GPR173: variants seen among roughly 807,000 people sequenced by gnomAD.
GPR173 encodes G protein-coupled receptor 173, also known as probable G protein-coupled receptor 173.
GPR173 carries 2 observed loss-of-function variants against 13.9 expected under a neutral mutation model. The observed-to-expected ratio is 0.14, with a 90% CI of 0.06 to 0.45. The LOEUF (loss-of-function observed/expected upper bound fraction) is 0.45. GPR173 is among the 20% of genes least tolerant of loss of function. GPR173 has a pLI of 0.98. For synonymous variants in GPR173, 131 were observed against 141.0 expected (o/e 0.93, Z 0.50); for missense variants, 202 against 340.5 (o/e 0.59, Z 3.20).
At chrX:53,074,730 TTTATATATAAATATAA>T (rs1214148018) in intron 1 of GPR173, among the ~76,000 whole-genome samples, 5 of 93,297 alleles carry the variant, frequency 5.4e-5, no homozygotes, top group South Asian at 4.5e-4. Flanking sequence ...TTTATTTGTA[TTTATATATAAATATAA>T]TTATATATAA....
intron 1 of GPR173, among the ~76,000 whole-genome samples, chrX:53,063,417 C>T (rs1481125187): frequency 1.8e-5 from 2 of 110,125 alleles, no homozygotes; most frequent in African/African-American, 6.6e-5. Context: ...AAACCTTGCC[C>T]TCAAGATCCT....
chrX:53,051,931 G>A (rs1381648772), intron 1 of GPR173, among the ~76,000 whole-genome samples: 1 of 110,935 alleles, frequency 9.0e-6, no homozygotes, highest in African/African-American at 3.3e-5. Context: ...GGGTGTATAT[G>A]TGTGTGTGTA....
chrX:53,062,889 ACTAGAGCTGGGCTGGGC>A (rs1157723312), intron 1 of GPR173, among the ~76,000 whole-genome samples: 2 of 111,951 alleles, frequency 1.8e-5, no homozygotes, highest in African/African-American at 3.2e-5. Context: ...TCTTGGGCAC[ACTAGAGCTGGGCTGGGC>A]CCCCAAGGTC....
intron 1 of GPR173, among the ~76,000 whole-genome samples, chrX:53,055,902 G>T (rs1478278308): frequency 9.2e-6 from 1 of 109,155 alleles, no homozygotes; most frequent in East Asian, 2.9e-4. Context: ...GTGTGTGTGT[G>T]TGTGTGTGTG....
At position 53,076,588 on chromosome X, in the gene GPR173, C is replaced by A. The variant is rs782582107; in HGVS notation, c.-34C>A. The A allele has an allele frequency of 3.5e-6, 4 of 1,144,977 alleles. No individual in the cohort carries two copies. The highest frequency in any genetic ancestry group is 2.3e-6 in the Non-Finnish European group (2 of 855,446). The allele number at this position is 1,144,977 out of a possible 1,213,427, so 94.4% of individuals were successfully genotyped here. On this transcript the variant is annotated 5_prime_UTR_variant, in exon 2 of 2. Coordinates refer to ENST00000332582, the MANE Select transcript of GPR173 (RefSeq NM_018969.6). Reference sequence around the variant, plus strand: ...CCCATCGAGTACCGGACTGGCTGACCCCCTAGGGTTGGCAGTAGCCCCTGA... The same window carrying A: ...CCCATCGAGTACCGGACTGGCTGACACCCTAGGGTTGGCAGTAGCCCCTGA...
In GPR173 at chrX:53,077,633, A is replaced by G. The variant is rs782095276; in HGVS notation, c.1012A>G (p.Ile338Val). The G allele has an allele frequency of 1.5e-5, 18 of 1,209,101 alleles. No individual in the cohort carries two copies. The highest frequency in any genetic ancestry group is 2.0e-5 in the Non-Finnish European group (18 of 894,224). ...MSFAQAAVNP[I>V]VCFLLNKDLK... ...CTTCGCCCAGGCTGCCGTCAACCCA[A>G]TTGTCTGCTTCCTGCTCAACAAGGA... Residue 338 changes from isoleucine to valine, a missense_variant, in exon 2 of 2, where the codon ATT becomes GTT. Physicochemically the swap from Ile to Val is conservative, Grantham distance 29. Transcript: ENST00000332582.
chrX:53,075,954 AT>A, intron 1 of GPR173, among the ~76,000 whole-genome samples: 1 of 111,302 alleles, frequency 9.0e-6, no homozygotes, highest in Middle Eastern at 4.6e-3. Flanking sequence ...TGTAAAATGT[AT>A]TTTTTTACTG....
intron 1 of GPR173, among the ~76,000 whole-genome samples, chrX:53,072,202 C>T (rs947503329): frequency 1.1e-4 from 12 of 110,353 alleles, no homozygotes; most frequent in Non-Finnish European, 2.1e-4. Context: ...CAGGGCTACG[C>T]ATTATCCACC....
At chrX:53,071,687 C>T (rs782110717) in intron 1 of GPR173, among the ~76,000 whole-genome samples, 19 of 111,821 alleles carry the variant, frequency 1.7e-4, no homozygotes, top group Non-Finnish European at 2.4e-4. Flanking sequence ...TGCTCCTACA[C>T]AAATTTCCAA....
chrX:53,055,140 G>A (rs1350748847), intron 1 of GPR173, among the ~76,000 whole-genome samples: 1 of 109,557 alleles, frequency 9.1e-6, no homozygotes, highest in Non-Finnish European at 1.9e-5. Context: ...GGTCGAGATT[G>A]TGTTTGTGTG....
At chrX:53,074,901 G>T (rs1184187290) in intron 1 of GPR173, among the ~76,000 whole-genome samples, 2 of 102,498 alleles carry the variant, frequency 2.0e-5, no homozygotes, top group African/African-American at 7.1e-5. Flanking sequence ...TTGCTGCAGG[G>T]GCCTCTGAGT....
rs1396826867 is a variant in GPR173 at position 53,049,066 on chromosome X, G to A, written c.-516G>A. 1.0e-5 allele frequency: 1 copy of A among 100,248 alleles called. No individual in the cohort carries two copies. Among genetic ancestry groups the A allele is most frequent in the Non-Finnish European group, 2.1e-5 (1 of 48,464 alleles). 8.3% of individuals were successfully genotyped at this position (100,248 alleles called of 1,213,427 possible). On this transcript the variant is annotated 5_prime_UTR_variant, in exon 1 of 2. Coordinates refer to ENST00000332582, the MANE Select transcript of GPR173 (RefSeq NM_018969.6). ...GGCCAGCAGGCAGACGGAGGGGGGG[G>A]GTGGGGGGTGGGGGGGGTAGGGGGA...
In GPR173 at chrX:53,080,320, T is replaced by C. The variant is rs1299711488; in HGVS notation, c.*2577T>C. On this transcript the variant is annotated 3_prime_UTR_variant, in exon 2 of 2. Transcript: ENST00000332582. ...CTCCCTAGACAGTTAATTTACTATCTGGTTATTCTCTCAGGTGCACAGAAT... is the reference window on the plus strand; with the variant it reads ...CTCCCTAGACAGTTAATTTACTATCCGGTTATTCTCTCAGGTGCACAGAAT... The C allele has an allele frequency of 8.2e-6, 1 of 122,141 alleles. No homozygotes were observed. Among genetic ancestry groups the C allele is most frequent in the Non-Finnish European group, 1.9e-5 (1 of 52,972 alleles). The allele number at this position is 122,141 out of a possible 1,213,427, so 10.1% of individuals were successfully genotyped here.
chrX:53,069,376 CAT>C (rs782591482), intron 1 of GPR173, among the ~76,000 whole-genome samples: 1 of 111,408 alleles, frequency 9.0e-6, no homozygotes, highest in African/African-American at 3.3e-5. Flanking sequence ...AAGTAATAAT[CAT>C]ACTATCTGGA....
At chrX:53,052,602 C>CGTGTGT (rs781878545) in intron 1 of GPR173, among the ~76,000 whole-genome samples, 72 of 100,501 alleles carry the variant, frequency 7.2e-4, no homozygotes, top group Non-Finnish European at 9.9e-4. Context: ...CACACACACA[C>CGTGTGT]GTGTGTGTGT....
chrX:53,054,148 ATGTG>A (rs782051170), intron 1 of GPR173, among the ~76,000 whole-genome samples: 9 of 106,667 alleles, frequency 8.4e-5, no homozygotes, highest in Non-Finnish European at 1.4e-4. Flanking sequence ...GTGTGTGTGT[ATGTG>A]TGTGTGTGTG....
Position 53,052,602 on chromosome X carries a change from C to CGTGT in GPR173, c.-98+3146_-98+3149dup, listed in dbSNP as rs781878545. Among the ~76,000 whole-genome samples the CGTGT allele has an allele frequency of 8.2e-3, 821 of 100,479 alleles. 4 individuals are homozygous for CGTGT. The highest frequency in any genetic ancestry group is 0.026 in the Middle Eastern group (5 of 192). The allele number at this position is 100,479 out of a possible 115,157, so 87.3% of individuals were successfully genotyped here. A position where few individuals can be genotyped will look rare whatever the true frequency, so the allele number is the denominator to read the frequency against. On this transcript the variant is annotated intron_variant, in intron 1 of 1. Coordinates refer to ENST00000332582, the MANE Select transcript of GPR173 (RefSeq NM_018969.6). ...CCACACACATCTGTCCACACACACACGTGTGTGTGTGTGTGTGTGTGTGTG... is the reference window on the plus strand; with the variant it reads ...CCACACACATCTGTCCACACACACACGTGTGTGTGTGTGTGTGTGTGTGTGTGTG...
intron 1 of GPR173, among the ~76,000 whole-genome samples, chrX:53,070,505 A>G (rs966548795): frequency 4.0e-4 from 45 of 111,521 alleles, no homozygotes; most frequent in African/African-American, 1.4e-3. Flanking sequence ...TTTTTTTGAG[A>G]TGGAGTTTCA....
rs1295869044 is a variant in GPR173 at position 53,076,967 on chromosome X, T to G, written c.346T>G (p.Cys116Gly). 1 of 1,210,099 alleles carries G rather than the reference T, an allele frequency of 8.3e-7. No individual in the cohort carries two copies. The highest frequency in any genetic ancestry group is 1.1e-6 in the Non-Finnish European group (1 of 895,130). The change falls in exon 2 of 2, where the codon TGC (cysteine) becomes GGC (glycine). Residue 116 changes from cysteine (C) to glycine (G), a missense_variant. Physicochemically the swap from Cys to Gly is radical, Grantham distance 159 (BLOSUM62 -3). This residue lies in a region of GPR173 where 98 missense variants were observed against 137.2 expected (regional missense o/e 0.71). Coordinates refer to ENST00000332582, the MANE Select transcript of GPR173 (RefSeq NM_018969.6). The stretch of plus-strand genomic sequence containing the variant: ...CTTCCATGCGGCCTTCATGCTGTTC[T>G]GCATCAGCGTCACCCGCTACATGGC... The part of the protein sequence containing the change: ...FCFHAAFMLF[C>G]ISVTRYMAIA...
Sources: gnomAD v4.1 joint callset for allele counts (sites outside exome capture counted in the v4.1 genomes callset) on GRCh38, gnomAD v4.1.1 for gene constraint, gnomAD v4.1.1 regional missense constraint, MANE v1.5 for transcripts, NCBI Gene and HGNC (gene_info 2026-07-23, HGNC 2026-07-21) for gene names.